Variants in CACNB4 observed in about 807,000 individuals in gnomAD.
CACNB4 encodes calcium voltage-gated channel auxiliary subunit beta 4, also known as voltage-dependent L-type calcium channel subunit beta-4.
Under a neutral mutation model 71.2 loss-of-function variants are expected in CACNB4, and 32 were observed. The ratio of observed to expected loss-of-function variants is 0.45; its 90% CI spans 0.34 to 0.60. The LOEUF is 0.60. Among genes scored for constraint, CACNB4 ranks in the 20% least tolerant of loss-of-function variants. The probability of loss-of-function intolerance (pLI) is 0.01; values close to 1 mark genes in which losing one functional copy is unlikely to be tolerated. For missense variants in CACNB4, 464 were observed against 647.9 expected (o/e 0.72, Z 3.08); for synonymous variants, 231 against 236.9 (o/e 0.97, Z 0.23).
chr2:152,053,395 G>A (rs149942200), intron 2 of CACNB4, among the ~76,000 whole-genome samples: 21 of 152,326 alleles, frequency 1.4e-4, no homozygotes, highest in African/African-American at 4.8e-4. Context: ...TGACACGCCT[G>A]GAGAGGGCAT....
chr2:152,083,086 C>T (rs1412342562), intron 2 of CACNB4, among the ~76,000 whole-genome samples: 5 of 152,266 alleles, frequency 3.3e-5, no homozygotes, highest in South Asian at 2.1e-4. Flanking sequence ...CCAATCTCAG[C>T]CACTGTGGGG....
chr2:151,953,134 T>C (rs548362261), intron 2 of CACNB4, among the ~76,000 whole-genome samples: 1 of 152,154 alleles, frequency 6.6e-6, no homozygotes, highest in Non-Finnish European at 1.5e-5. Flanking sequence ...AAAATGAATA[T>C]GAAGTGGCTC....
chr2:152,051,595 G>C (rs758354635), intron 2 of CACNB4, among the ~76,000 whole-genome samples: 7 of 152,156 alleles, frequency 4.6e-5, no homozygotes, highest in Non-Finnish European at 1.0e-4. Context: ...TCAGCCATGT[G>C]AGGATGTGAA....
chr2:152,077,460 G>A (rs1687096507), intron 2 of CACNB4, among the ~76,000 whole-genome samples: 1 of 152,224 alleles, frequency 6.6e-6, no homozygotes, highest in Non-Finnish European at 1.5e-5. Flanking sequence ...GGCTGAGGCA[G>A]GAGAATCACT....
intron 12 of CACNB4, chr2:151,851,303 A>G (rs2151345899): frequency 6.6e-6 from 1 of 152,352 alleles, no homozygotes; most frequent in African/African-American, 2.4e-5. Context: ...GTGCAGTATC[A>G]ATTGAACATG....
chr2:152,057,743 G>A lies in CACNB4; in HGVS notation c.147+40587C>T, dbSNP rs145689496. 3.4e-4 allele frequency among the ~76,000 whole-genome samples: 52 copies of A among 152,256 alleles called. No homozygotes were observed. In the East Asian group the frequency reaches 8.5e-3, roughly 25 times the overall value. Reference sequence around the variant, plus strand: ...TTCAGCAGAGACTTTGAATTGAACTGACCCCTGAAAAGTCCTAATGAGGTA... The same window carrying A: ...TTCAGCAGAGACTTTGAATTGAACTAACCCCTGAAAAGTCCTAATGAGGTA... On this transcript the variant is annotated intron_variant, in intron 2 of 13. Coordinates refer to ENST00000539935, the MANE Select transcript of CACNB4 (RefSeq NM_000726.5).
In CACNB4 at chr2:152,084,839, G is replaced by A. The variant is rs183574356; in HGVS notation, c.147+13491C>T. 3.3e-3 allele frequency among the ~76,000 whole-genome samples: 501 copies of A among 151,788 alleles called. 2 individuals are homozygous for A. Among genetic ancestry groups the A allele is most frequent in the Non-Finnish European group, 5.8e-3 (397 of 67,946 alleles). On this transcript the variant is annotated intron_variant, in intron 2 of 13. Coordinates refer to ENST00000539935, the MANE Select transcript of CACNB4 (RefSeq NM_000726.5). The stretch of plus-strand genomic sequence containing the variant: ...AGGATCTTGATATGTTGCCCAGGCT[G>A]GTCTCAAACTCCTGGGCACAAACAA...
intron 2 of CACNB4, among the ~76,000 whole-genome samples, chr2:151,942,356 T>C (rs2099864476): frequency 6.7e-6 from 1 of 149,264 alleles, no homozygotes; most frequent in Non-Finnish European, 1.5e-5. Flanking sequence ...ATGCCTGTCT[T>C]ATTTTAATCT....
chr2:151,986,233 T>C (rs1681361328), intron 2 of CACNB4, among the ~76,000 whole-genome samples: 1 of 151,950 alleles, frequency 6.6e-6, no homozygotes, highest in Non-Finnish European at 1.5e-5. Context: ...AAGAATGCTC[T>C]TGTTTCATAT....
intron 2 of CACNB4, among the ~76,000 whole-genome samples, chr2:151,994,494 C>T (rs1681927598): frequency 6.6e-6 from 1 of 150,742 alleles, no homozygotes; most frequent in South Asian, 2.1e-4. Context: ...GCGTGAGCCA[C>T]CATTCCCAGC....
intron 2 of CACNB4, among the ~76,000 whole-genome samples, chr2:152,012,790 T>C (rs946707326): frequency 2.6e-5 from 4 of 151,256 alleles, no homozygotes; most frequent in African/African-American, 9.8e-5. Context: ...GGTTGATTTA[T>C]TATTGAAGAA....
At chr2:151,931,645 TG>T (rs1029829067) in intron 2 of CACNB4, among the ~76,000 whole-genome samples, 1 of 152,060 alleles carries the variant, frequency 6.6e-6, no homozygotes, top group Non-Finnish European at 1.5e-5. Context: ...CAAGTGGCAA[TG>T]GGGGGGTGAC....
At chr2:152,078,315 G>T (rs556252300) in intron 2 of CACNB4, among the ~76,000 whole-genome samples, 126 of 152,118 alleles carry the variant, frequency 8.3e-4, no homozygotes, top group Non-Finnish European at 1.6e-3. Context: ...GGTCCACACA[G>T]ATCCCCTCAC....
chr2:151,927,102 A>G (rs888377171), intron 2 of CACNB4, among the ~76,000 whole-genome samples: 1 of 152,246 alleles, frequency 6.6e-6, no homozygotes, highest in African/African-American at 2.4e-5. Context: ...TTATGGCACA[A>G]AAAAGTTAGG....
In CACNB4 at chr2:152,044,307, G is replaced by A. The variant is rs1187034805; in HGVS notation, c.147+54023C>T. ...GCAATCTTGGCTCACTGCAAGCTCC[G>A]CCTCCCAGGTTCAAGCAATTCTCCT... On this transcript the variant is annotated intron_variant, in intron 2 of 13. Coordinates refer to ENST00000539935, the MANE Select transcript of CACNB4 (RefSeq NM_000726.5). Among the ~76,000 whole-genome samples, 10 of 152,048 alleles carry A rather than the reference G, an allele frequency of 6.6e-5. No individual in the cohort carries two copies. The South Asian group carries it at 8.3e-4, about 13-fold the overall frequency.
In CACNB4 at chr2:151,955,917, G is replaced by GA. The variant is rs11286288; in HGVS notation, c.148-72548dup. On this transcript the variant is annotated intron_variant, in intron 2 of 13. Transcript: ENST00000539935. ...GGCACGGTCTCAAAAATAAAAAATA[G>GA]AAAAAAAAAAAAAGAATTAGACTTT... is the stretch of plus-strand genomic sequence containing the variant. 9.7e-4 allele frequency among the ~76,000 whole-genome samples: 135 copies of GA among 139,346 alleles called. 1 individual carries two copies. Among genetic ancestry groups the GA allele is most frequent in the East Asian group, 8.9e-3 (40 of 4,484 alleles). The allele number at this position is 139,346 out of a possible 152,430, so 91.4% of individuals were successfully genotyped here. A position where few individuals can be genotyped will look rare whatever the true frequency, so the allele number is the denominator to read the frequency against.
chr2:151,839,005 C>T lies in CACNB4; in HGVS notation c.*114G>A, dbSNP rs533547804. ...CCCCTTACTTAGCATAAAATGACAGCAGCCCATTAGCACAGTAAATACTGT... is the reference window on the plus strand; with the variant it reads ...CCCCTTACTTAGCATAAAATGACAGTAGCCCATTAGCACAGTAAATACTGT... On this transcript the variant is annotated 3_prime_UTR_variant, in exon 14 of 14. Coordinates refer to ENST00000539935, the MANE Select transcript of CACNB4 (RefSeq NM_000726.5). The T allele has an allele frequency of 2.3e-6, 2 of 868,696 alleles. No individual in the cohort carries two copies. The highest frequency in any genetic ancestry group is 4.8e-5 in the South Asian group (2 of 41,964). 53.8% of individuals were successfully genotyped at this position (868,696 alleles called of 1,614,324 possible).
At chr2:151,945,510 GGT>G in intron 2 of CACNB4, among the ~76,000 whole-genome samples, 1 of 152,164 alleles carries the variant, frequency 6.6e-6, no homozygotes, top group African/African-American at 2.4e-5. Context: ...AGATTAGCTG[GGT>G]GTGGTGGTGT....
chr2:151,981,548 T>C (rs1439777008), intron 2 of CACNB4, among the ~76,000 whole-genome samples: 2 of 152,124 alleles, frequency 1.3e-5, no homozygotes, highest in African/African-American at 2.4e-5. Flanking sequence ...AGAGGGGATA[T>C]TGGTAGATAA....
Sources: gnomAD v4.1 joint callset for allele counts (sites outside exome capture counted in the v4.1 genomes callset) on GRCh38, gnomAD v4.1.1 for gene constraint, MANE v1.5 for transcripts, NCBI Gene and HGNC (gene_info 2026-07-23, HGNC 2026-07-21) for gene names.